The following ADAMTSL1 variants were observed in gnomAD, a reference collection of about 807,000 sequenced individuals.
ADAMTSL1 encodes ADAMTS like 1, also known as ADAMTS-like protein 1.
In ADAMTSL1, 126 loss-of-function variants were observed where a neutral mutation model predicts 201.8. The observed-to-expected ratio is 0.62, with a 90% confidence interval of 0.54 to 0.72. ADAMTSL1 has a LOEUF of 0.72. Ranked by LOEUF, ADAMTSL1 falls within the 30% of genes least tolerant of loss-of-function variation. The probability of loss-of-function intolerance (pLI) is 0.00; values close to 1 mark genes in which losing one functional copy is unlikely to be tolerated. For synonymous variants in ADAMTSL1, 1,121 were observed against 903.4 expected (o/e 1.24, Z -4.32); for missense variants, 2,679 against 2,277.8 (o/e 1.18, Z -3.59).
chr9:18,740,035 T>A (rs1437799034), intron 15 of ADAMTSL1, among the ~76,000 whole-genome samples: 1 of 152,176 alleles, frequency 6.6e-6, no homozygotes, highest in African/African-American at 2.4e-5. Context: ...CAGGGAGATC[T>A]CTGCATGGGA....
At chr9:18,095,420 T>C (rs1023472186) in intron 1 of ADAMTSL1, among the ~76,000 whole-genome samples, 167 of 117,418 alleles carry the variant, frequency 1.4e-3, no homozygotes, top group Middle Eastern at 4.1e-3. Flanking sequence ...TTCTTTCTTT[T>C]TTTTTTTTTT....
chr9:18,697,387 T>A (rs1166995515), intron 13 of ADAMTSL1, among the ~76,000 whole-genome samples: 1 of 152,176 alleles, frequency 6.6e-6, no homozygotes, highest in Non-Finnish European at 1.5e-5. Flanking sequence ...TCTATCTCTA[T>A]GGAGTTGCAA....
chr9:18,525,374 G>A (rs889029653), intron 2 of ADAMTSL1, among the ~76,000 whole-genome samples: 5 of 151,768 alleles, frequency 3.3e-5, no homozygotes, highest in African/African-American at 1.2e-4. Context: ...CAATTTTGTT[G>A]ATCTTTTCAA....
intron 4 of ADAMTSL1, among the ~76,000 whole-genome samples, chr9:18,590,010 C>T (rs1476222867): frequency 6.6e-6 from 1 of 151,994 alleles, no homozygotes; most frequent in African/African-American, 2.4e-5. Flanking sequence ...CATGAAGGAG[C>T]TTGGCCTGTA....
intron 1 of ADAMTSL1, among the ~76,000 whole-genome samples, chr9:18,109,418 T>C (rs1187240069): frequency 6.6e-6 from 1 of 152,124 alleles, no homozygotes; most frequent in Non-Finnish European, 1.5e-5. Context: ...GTATCATATG[T>C]TGGCCAGTCT....
At chr9:18,185,913 T>C (rs1828711974) in intron 2 of ADAMTSL1, among the ~76,000 whole-genome samples, 1 of 152,130 alleles carries the variant, frequency 6.6e-6, no homozygotes, top group African/African-American at 2.4e-5. Flanking sequence ...CCATGGAACA[T>C]GGAATAGTTT....
At chr9:18,089,013 A>C (rs994644676) in intron 1 of ADAMTSL1, among the ~76,000 whole-genome samples, 2 of 152,226 alleles carry the variant, frequency 1.3e-5, no homozygotes, top group Non-Finnish European at 2.9e-5. Context: ...GAATGGGTAC[A>C]CAAAATGTGG....
chr9:18,101,796 A>G (rs1452435762), intron 1 of ADAMTSL1, among the ~76,000 whole-genome samples: 1 of 152,208 alleles, frequency 6.6e-6, no homozygotes. Context: ...AGAAAAAGGA[A>G]GAGCAGCTGG....
At chr9:18,240,447 T>C (rs934781536) in intron 2 of ADAMTSL1, among the ~76,000 whole-genome samples, 8 of 152,070 alleles carry the variant, frequency 5.3e-5, no homozygotes, top group Admixed American at 3.3e-4. Flanking sequence ...GTTCCATTTA[T>C]AGAGCACAGG....
At chr9:18,457,412 G>A (rs1820647674) in intron 2 of ADAMTSL1, among the ~76,000 whole-genome samples, 1 of 152,144 alleles carries the variant, frequency 6.6e-6, no homozygotes, top group Non-Finnish European at 1.5e-5. Flanking sequence ...GCTCACTGCA[G>A]CCTCAAGCTC....
chr9:18,619,885 A>G (rs1231015774), intron 4 of ADAMTSL1, among the ~76,000 whole-genome samples: 4 of 152,142 alleles, frequency 2.6e-5, no homozygotes, highest in Admixed American at 6.5e-5. Flanking sequence ...TGTCAGATTA[A>G]GTCCTCTTCA....
intron 2 of ADAMTSL1, among the ~76,000 whole-genome samples, chr9:18,527,523 A>C (rs941112278): frequency 1.7e-4 from 26 of 152,204 alleles, no homozygotes; most frequent in African/African-American, 6.3e-4. Flanking sequence ...ATGGGGGAAC[A>C]AGAAGCTAAC....
chr9:18,047,288 G>A (rs1821704588), intron 1 of ADAMTSL1, among the ~76,000 whole-genome samples: 1 of 152,100 alleles, frequency 6.6e-6, no homozygotes, highest in Non-Finnish European at 1.5e-5. Context: ...TCAACCCAGG[G>A]TAATTTTGCC....
At chr9:18,160,667 T>A (rs1563775610) in intron 1 of ADAMTSL1, among the ~76,000 whole-genome samples, 1 of 150,380 alleles carries the variant, frequency 6.6e-6, no homozygotes, top group Non-Finnish European at 1.5e-5. Context: ...TATTTCTTTT[T>A]TTAATTAATT....
chr9:18,662,340 CCTTT>C, intron 9 of ADAMTSL1, among the ~76,000 whole-genome samples: 1 of 152,244 alleles, frequency 6.6e-6, no homozygotes, highest in South Asian at 2.1e-4. Flanking sequence ...CTTCTGATTT[CCTTT>C]CATTCTGGTT....
intron 15 of ADAMTSL1, among the ~76,000 whole-genome samples, chr9:18,739,672 A>G (rs1236824905): frequency 6.6e-6 from 1 of 152,162 alleles, no homozygotes; most frequent in African/African-American, 2.4e-5. Context: ...GTGTGGTCAT[A>G]TATAAAAACA....
At chr9:18,269,110 C>T (rs1002793622) in intron 2 of ADAMTSL1, among the ~76,000 whole-genome samples, 2 of 151,998 alleles carry the variant, frequency 1.3e-5, no homozygotes, top group African/African-American at 2.4e-5. Flanking sequence ...TTTTAGTAAG[C>T]ATTTACCTAA....
At chr9:17,917,739 C>A (rs950617117) in intron 1 of ADAMTSL1, among the ~76,000 whole-genome samples, 2 of 151,898 alleles carry the variant, frequency 1.3e-5, no homozygotes, top group African/African-American at 4.8e-5. Flanking sequence ...CAACTTTCTG[C>A]AATCTCTATA....
intron 23 of ADAMTSL1, among the ~76,000 whole-genome samples, chr9:18,881,108 G>T (rs1287250659): frequency 6.6e-6 from 1 of 152,176 alleles, no homozygotes; most frequent in African/African-American, 2.4e-5. Context: ...GAATGTTATA[G>T]CAGGTTTGAT....
Sources: gnomAD v4.1 joint callset for allele counts (sites outside exome capture counted in the v4.1 genomes callset) on GRCh38, gnomAD v4.1.1 for gene constraint, MANE v1.5 for transcripts, NCBI Gene and HGNC (gene_info 2026-07-23, HGNC 2026-07-21) for gene names.